The following ETV2 variants were observed in gnomAD, a reference collection of about 807,000 sequenced individuals.
The protein encoded by ETV2 is ETS translocation variant 2.
ETV2 carries 34 observed loss-of-function variants against 35.7 expected under a neutral mutation model. The ratio of observed to expected loss-of-function variants is 0.95; its 90% CI spans 0.72 to 1.27. ETV2 has a LOEUF of 1.27. Among genes scored for constraint, ETV2 ranks in the 50% most tolerant of loss-of-function variants. The pLI, the probability that ETV2 is intolerant of heterozygous loss-of-function variation, is 0.00. For missense variants in ETV2, 512 were observed against 470.5 expected (o/e 1.09, Z -0.82); for synonymous variants, 207 against 203.9 (o/e 1.02, Z -0.13).
chr19:35,643,063 C>A lies in ETV2; in HGVS notation c.235+18C>A. ...GGGGGCGGGTGAGTGTGGGGAGAGGCGGTGGGAGGTGGGGACTGGGGTCCC... is the reference window on the plus strand; with the variant it reads ...GGGGGCGGGTGAGTGTGGGGAGAGGAGGTGGGAGGTGGGGACTGGGGTCCC... On this transcript the variant is annotated intron_variant, in intron 4 of 6. Coordinates refer to ENST00000402764, the MANE Select transcript of ETV2 (RefSeq NM_014209.4). The surrounding 1 kb of genome is among the most constrained non-coding windows in gnomAD (Gnocchi z 5.0). 1 of 1,259,646 alleles carries A rather than the reference C, an allele frequency of 7.9e-7. No homozygotes were observed. Among genetic ancestry groups the A allele is most frequent in the Non-Finnish European group, 1.1e-6 (1 of 897,436 alleles). The allele number at this position is 1,259,646 out of a possible 1,614,324, so 78.0% of individuals were successfully genotyped here.
chr19:35,643,776 G>T lies in ETV2; in HGVS notation c.715+23G>T. On this transcript the variant is annotated intron_variant, in intron 5 of 6. Coordinates refer to ENST00000402764, the MANE Select transcript of ETV2 (RefSeq NM_014209.4). The surrounding 1 kb of genome is among the most constrained non-coding windows in gnomAD (Gnocchi z 5.0). ...GAGGTGAGAGGGCCGCAAAGACTGC[G>T]GGGAGGGCGAAGCTGGAGTCCTGAG... is the stretch of plus-strand genomic sequence containing the variant. The T allele has an allele frequency of 1.2e-6, 2 of 1,612,870 alleles. No individual in the cohort carries two copies. The highest frequency in any genetic ancestry group is 1.7e-6 in the Non-Finnish European group (2 of 1,179,730).
chr19:35,642,524 G>A lies in ETV2; in HGVS notation c.64G>A (p.Gly22Arg). 3 of 1,613,496 alleles carry A rather than the reference G, an allele frequency of 1.9e-6. No homozygotes were observed. The highest frequency in any genetic ancestry group is 2.5e-6 in the Non-Finnish European group (3 of 1,179,662). Residue 22 changes from glycine to arginine, a missense_variant, in exon 2 of 7, where the codon GGG becomes AGG. Coordinates refer to ENST00000402764, the MANE Select transcript of ETV2 (RefSeq NM_014209.4). This position sits in a 1 kb window ranked among gnomAD's most constrained non-coding sequence, Gnocchi z 4.4. ...QEVPPGNKLAGLEGAKLGFCF... is the reference protein window; with the variant it reads ...QEVPPGNKLARLEGAKLGFCF... ...AGTGCCTCCAGGGAACAAGCTGGCA[G>A]GGCTTGGTAGGCTGCCGAGGCTGCC...
chr19:35,644,452 C>A lies in ETV2; in HGVS notation c.828+105C>A, dbSNP rs1246570315. 3 of 948,724 alleles carry A rather than the reference C, an allele frequency of 3.2e-6. No individual in the cohort carries two copies. Among genetic ancestry groups the A allele is most frequent in the Admixed American group, 4.4e-5 (2 of 45,372 alleles). 58.8% of individuals were successfully genotyped at this position (948,724 alleles called of 1,614,324 possible). ...CCGCGTAGCCCTCGGCCCCGCCGCT[C>A]CCCGGCCCACTCGAGGCCCCGCCCA... On this transcript the variant is annotated intron_variant, in intron 6 of 6. Coordinates refer to ENST00000402764, the MANE Select transcript of ETV2 (RefSeq NM_014209.4). This position sits in a 1 kb window ranked among gnomAD's most constrained non-coding sequence, Gnocchi z 4.7.
rs1235795397 is a variant in ETV2 at position 35,642,184 on chromosome 19, C to T, written c.-28+28C>T. 1 of 321,994 alleles carries T rather than the reference C, an allele frequency of 3.1e-6. No individual in the cohort carries two copies. Among genetic ancestry groups the T allele is most frequent in the Non-Finnish European group, 5.7e-6 (1 of 175,314 alleles). 19.9% of individuals were successfully genotyped at this position (321,994 alleles called of 1,614,324 possible). On this transcript the variant is annotated intron_variant, in intron 1 of 6. Coordinates refer to ENST00000402764, the MANE Select transcript of ETV2 (RefSeq NM_014209.4). This position sits in a 1 kb window ranked among gnomAD's most constrained non-coding sequence, Gnocchi z 4.4. ...GAGCGATGAACTGAGGACTAGATGC[C>T]TGGGTGTCTGGGTTAGGAAGGACCT...
rs532601843 is a variant in ETV2, at chr19:35,642,540, C to T, written c.70+10C>T. On this transcript the variant is annotated intron_variant, in intron 2 of 6. Transcript: ENST00000402764. This position sits in a 1 kb window ranked among gnomAD's most constrained non-coding sequence, Gnocchi z 4.4. Reference sequence around the variant, plus strand: ...AAGCTGGCAGGGCTTGGTAGGCTGCCGAGGCTGCCACAACGTGTGTGGGGA... The same window carrying T: ...AAGCTGGCAGGGCTTGGTAGGCTGCTGAGGCTGCCACAACGTGTGTGGGGA... 1.2e-6 allele frequency: 2 copies of T among 1,612,554 alleles called. No homozygotes were observed. The highest frequency in any genetic ancestry group is 2.2e-5 in the East Asian group (1 of 44,872).
chr19:35,643,470 C>A lies in ETV2; in HGVS notation c.432C>A (p.Arg144=). ...CGGGAGAGGCCACCTCGTGGTCGCGCGCCCAGGCCGCCGGGAGCAACACCA... is the reference window on the plus strand; with the variant it reads ...CGGGAGAGGCCACCTCGTGGTCGCGAGCCCAGGCCGCCGGGAGCAACACCA... ...PVAGEATSWS[R]AQAAGSNTSW... Residue 144 remains arginine (R), a synonymous_variant, in exon 5 of 7, where the codon CGC becomes CGA. Coordinates refer to ENST00000402764, the MANE Select transcript of ETV2 (RefSeq NM_014209.4). The surrounding 1 kb of genome is among the most constrained non-coding windows in gnomAD (Gnocchi z 5.0). The A allele has an allele frequency of 6.5e-7, 1 of 1,547,810 alleles. No individual in the cohort carries two copies.
In ETV2 at chr19:35,642,312, G is replaced by A. The variant is rs1967621983; in HGVS notation, c.-27-122G>A. 1 of 582,552 alleles carries A rather than the reference G, an allele frequency of 1.7e-6. No homozygotes were observed. The highest frequency in any genetic ancestry group is 1.9e-5 in the African/African-American group (1 of 52,450). 36.1% of individuals were successfully genotyped at this position (582,552 alleles called of 1,614,324 possible). ...CCAGGACCAAGATTTTAGGCTCCTG[G>A]GGAAGGAGGGAGCGGAGGCCTGGAC... On this transcript the variant is annotated intron_variant, in intron 1 of 6. Coordinates refer to ENST00000402764, the MANE Select transcript of ETV2 (RefSeq NM_014209.4). This position sits in a 1 kb window ranked among gnomAD's most constrained non-coding sequence, Gnocchi z 4.4.
Position 35,643,898 on chromosome 19 carries a change from C to A in ETV2, c.715+145C>A. ...GGGCTCGAAGGAGGGGCCGGTGGCC[C>A]GCACTCCAGGTCCTTGGGGAGGAGA... is the stretch of plus-strand genomic sequence containing the variant. On this transcript the variant is annotated intron_variant, in intron 5 of 6. Transcript: ENST00000402764. The surrounding 1 kb of genome is among the most constrained non-coding windows in gnomAD (Gnocchi z 5.0). 1.6e-6 allele frequency: 2 copies of A among 1,212,148 alleles called. No homozygotes were observed. The highest frequency in any genetic ancestry group is 1.3e-5 in the South Asian group (1 of 75,674). 75.1% of individuals were successfully genotyped at this position (1,212,148 alleles called of 1,614,324 possible). A position where few individuals can be genotyped will look rare whatever the true frequency, so the allele number is the denominator to read the frequency against.
chr19:35,643,394 T>C lies in ETV2; in HGVS notation c.356T>C (p.Ile119Thr), dbSNP rs770285920. 2 of 1,548,470 alleles carry C rather than the reference T, an allele frequency of 1.3e-6. No individual in the cohort carries two copies. Among genetic ancestry groups the C allele is most frequent in the East Asian group, 2.4e-5 (1 of 40,878 alleles). Residue 119 changes from isoleucine (I) to threonine (T), a missense_variant, in exon 5 of 7, where the codon ATC becomes ACC. Coordinates refer to ENST00000402764, the MANE Select transcript of ETV2 (RefSeq NM_014209.4). The surrounding 1 kb of genome is among the most constrained non-coding windows in gnomAD (Gnocchi z 5.0). Reference sequence around the variant, plus strand: ...CCCGCCCCTCTCGGCCCGGGCCCCATCCCCGCCGCCGGCTCCGAAGGCGCC... The same window carrying C: ...CCCGCCCCTCTCGGCCCGGGCCCCACCCCCGCCGCCGGCTCCGAAGGCGCC... ...LGPAPLGPGPIPAAGSEGAAG... is the reference protein window; with the variant it reads ...LGPAPLGPGPTPAAGSEGAAG...
Position 35,642,097 on chromosome 19 carries a change from G to A in ETV2, c.-87G>A, listed in dbSNP as rs1223751994. On this transcript the variant is annotated 5_prime_UTR_variant, in exon 1 of 7. Transcript: ENST00000402764. This position sits in a 1 kb window ranked among gnomAD's most constrained non-coding sequence, Gnocchi z 4.4. ...CCCTTGCCCAGGCCCTTGGGGGAGG[G>A]GGTGCATGGTATGAAATGGGGCTGA... 2 of 167,746 alleles carry A rather than the reference G, an allele frequency of 1.2e-5. No individual in the cohort carries two copies. The highest frequency in any genetic ancestry group is 1.2e-4 in the Admixed American group (2 of 16,142). 10.4% of individuals were successfully genotyped at this position (167,746 alleles called of 1,614,324 possible).
In ETV2 at chr19:35,643,971, A is replaced by T. The variant is rs1027573141; in HGVS notation, c.715+218A>T. 6.6e-6 allele frequency among the ~76,000 whole-genome samples: 1 copy of T among 152,182 alleles called. No homozygotes were observed. Among genetic ancestry groups the T allele is most frequent in the African/African-American group, 2.4e-5 (1 of 41,456 alleles). On this transcript the variant is annotated intron_variant, in intron 5 of 6. Coordinates refer to ENST00000402764, the MANE Select transcript of ETV2 (RefSeq NM_014209.4). The surrounding 1 kb of genome is among the most constrained non-coding windows in gnomAD (Gnocchi z 5.0). ...ATAGGGACCAAGGGGATGAGGACCC[A>T]GGCTCCTGGATTATATAAAACGAAA...
At position 35,642,302 on chromosome 19, in the gene ETV2, T is replaced by G. The variant is rs1967621786; in HGVS notation, c.-27-132T>G. On this transcript the variant is annotated intron_variant, in intron 1 of 6. Coordinates refer to ENST00000402764, the MANE Select transcript of ETV2 (RefSeq NM_014209.4). The surrounding 1 kb of genome is among the most constrained non-coding windows in gnomAD (Gnocchi z 4.4). ...TCCCTCACTCCCAGGACCAAGATTT[T>G]AGGCTCCTGGGGAAGGAGGGAGCGG... 5.2e-6 allele frequency: 3 copies of G among 574,102 alleles called. No individual in the cohort carries two copies. The highest frequency in any genetic ancestry group is 9.2e-6 in the Non-Finnish European group (3 of 326,302). The allele number at this position is 574,102 out of a possible 1,614,324, so 35.6% of individuals were successfully genotyped here. A position where few individuals can be genotyped will look rare whatever the true frequency, so the allele number is the denominator to read the frequency against.
rs1568338209 is a variant in ETV2, at chr19:35,642,593, C to T, written c.71-22C>T. On this transcript the variant is annotated intron_variant, in intron 2 of 6. Coordinates refer to ENST00000402764, the MANE Select transcript of ETV2 (RefSeq NM_014209.4). This position sits in a 1 kb window ranked among gnomAD's most constrained non-coding sequence, Gnocchi z 4.4. The stretch of plus-strand genomic sequence containing the variant: ...GTGTCCAGGTGGGGCCTCTGCTGAC[C>T]CTAACCCCTTATCGCCTGCAGAAGG... The T allele has an allele frequency of 6.2e-7, 1 of 1,612,248 alleles. No individual in the cohort carries two copies.
Position 35,644,440 on chromosome 19 carries a change from G to C in ETV2, c.828+93G>C. ...GGCTAGGTTCAACCGCGTAGCCCTC[G>C]GCCCCGCCGCTCCCCGGCCCACTCG... On this transcript the variant is annotated intron_variant, in intron 6 of 6. Transcript: ENST00000402764. The surrounding 1 kb of genome is among the most constrained non-coding windows in gnomAD (Gnocchi z 4.7). The C allele has an allele frequency of 1.0e-6, 1 of 986,966 alleles. No homozygotes were observed. The allele number at this position is 986,966 out of a possible 1,614,324, so 61.1% of individuals were successfully genotyped here.
chr19:35,642,795 A>C lies in ETV2; in HGVS notation c.154+97A>C. ...AGGGGGGCGTGCCTAGGTTCCTGGG[A>C]CTGGGTGGGGAGGGGCCGCGTGCTT... On this transcript the variant is annotated intron_variant, in intron 3 of 6. Transcript: ENST00000402764. The surrounding 1 kb of genome is among the most constrained non-coding windows in gnomAD (Gnocchi z 4.4). 1 of 1,102,848 alleles carries C rather than the reference A, an allele frequency of 9.1e-7. No homozygotes were observed. Among genetic ancestry groups the C allele is most frequent in the Non-Finnish European group, 1.3e-6 (1 of 749,412 alleles). 68.3% of individuals were successfully genotyped at this position (1,102,848 alleles called of 1,614,324 possible). A position where few individuals can be genotyped will look rare whatever the true frequency, so the allele number is the denominator to read the frequency against.
In ETV2 at chr19:35,644,843, G is replaced by C; in HGVS notation, c.1020G>C (p.Glu340Asp). The C allele has an allele frequency of 6.2e-7, 1 of 1,601,428 alleles. No individual in the cohort carries two copies. ...GTGCGGGAGGCGGACGGGGAGCAGA[G>C]ACACAATAAAAATTCCCGGTCAAAC... ...PDCAGGGRGA[E>D]TQ The change falls in exon 7 of 7, where the codon GAG (glutamate) becomes GAC (aspartate). Residue 340 changes from glutamate to aspartate, a missense_variant. Transcript: ENST00000402764. This position sits in a 1 kb window ranked among gnomAD's most constrained non-coding sequence, Gnocchi z 4.7.
In ETV2 at chr19:35,643,583, G is replaced by A. The variant is rs1389601774; in HGVS notation, c.545G>A (p.Trp182Ter). Reference sequence around the variant, plus strand: ...CCGCGCACGGACTGTACCATTTCGTGGGGCGGGCCCGCGGGCCCGGACTGT... The same window carrying A: ...CCGCGCACGGACTGTACCATTTCGTAGGGCGGGCCCGCGGGCCCGGACTGT... ...GEPRTDCTIS[W>*]GGPAGPDCTT... Residue 182 changes from tryptophan to a stop codon, truncating the protein, a stop_gained, in exon 5 of 7, where the codon TGG (tryptophan) becomes TAG (stop). Transcript: ENST00000402764. LOFTEE classifies it high-confidence loss of function. This position sits in a 1 kb window ranked among gnomAD's most constrained non-coding sequence, Gnocchi z 5.0. 2 of 1,587,100 alleles carry A rather than the reference G, an allele frequency of 1.3e-6. No homozygotes were observed. Among genetic ancestry groups the A allele is most frequent in the Admixed American group, 1.8e-5 (1 of 54,586 alleles).
Position 35,644,621 on chromosome 19 carries a change from C to T in ETV2, c.829-31C>T. The T allele has an allele frequency of 5.0e-6, 8 of 1,589,682 alleles. No homozygotes were observed. The highest frequency in any genetic ancestry group is 6.9e-6 in the Non-Finnish European group (8 of 1,167,292). Reference sequence around the variant, plus strand: ...CCACTATCGCCAAGCCCCGCCCCTTCCCACTCCGACCGAGCGGGCCTCTGT... The same window carrying T: ...CCACTATCGCCAAGCCCCGCCCCTTTCCACTCCGACCGAGCGGGCCTCTGT... On this transcript the variant is annotated intron_variant, in intron 6 of 6. Coordinates refer to ENST00000402764, the MANE Select transcript of ETV2 (RefSeq NM_014209.4). This position sits in a 1 kb window ranked among gnomAD's most constrained non-coding sequence, Gnocchi z 4.7.
chr19:35,644,281 G>C lies in ETV2; in HGVS notation c.762G>C (p.Gly254=). ...WQFLLELLHD[G]ARSSCIRWTG... Reference sequence around the variant, plus strand: ...TCCTCCTGGAGCTGCTCCACGACGGGGCGCGTAGCAGCTGCATCCGTTGGA... The same window carrying C: ...TCCTCCTGGAGCTGCTCCACGACGGCGCGCGTAGCAGCTGCATCCGTTGGA... Residue 254 remains glycine, a synonymous_variant, in exon 6 of 7, where the codon GGG becomes GGC. Coordinates refer to ENST00000402764, the MANE Select transcript of ETV2 (RefSeq NM_014209.4). The surrounding 1 kb of genome is among the most constrained non-coding windows in gnomAD (Gnocchi z 4.7). 1 of 1,561,940 alleles carries C rather than the reference G, an allele frequency of 6.4e-7. No homozygotes were observed. Among genetic ancestry groups the C allele is most frequent in the Non-Finnish European group, 8.7e-7 (1 of 1,152,812 alleles).
Sources: allele counts gnomAD v4.1 joint callset (sites outside exome capture counted in the v4.1 genomes callset), GRCh38; gene constraint gnomAD v4.1.1; non-coding constraint Gnocchi (gnomAD v3.1); transcripts MANE v1.5; gene names NCBI Gene and HGNC (gene_info 2026-07-23, HGNC 2026-07-21).